Variants in TRAP1 observed in about 807,000 individuals in gnomAD.
TRAP1 encodes TNF receptor associated protein 1, also known as heat shock protein 75 kDa, mitochondrial.
A neutral mutation model predicts 89.1 loss-of-function variants in TRAP1; 102 were observed. The observed-to-expected ratio is 1.15, with a 90% CI of 0.98 to 1.35. TRAP1 has a LOEUF of 1.35. Among genes scored for constraint, TRAP1 ranks in the 40% most tolerant of loss-of-function variants. The pLI, the probability that TRAP1 is intolerant of heterozygous loss-of-function variation, is 0.00. For synonymous variants in TRAP1, 508 were observed against 388.0 expected, an observed-to-expected ratio of 1.31 and a Z score of -3.64; for missense variants, 1,256 against 945.3, an observed-to-expected ratio of 1.33 and a Z score of -4.31.
At chr16:3,708,983 T>C (rs528674899) in intron 1 of TRAP1, among the ~76,000 whole-genome samples, 1 of 151,632 alleles carries the variant, frequency 6.6e-6, no homozygotes, top group Non-Finnish European at 1.5e-5. Flanking sequence ...GCCCAGATAA[T>C]TTTTTGTATT....
rs753578074 is a variant in TRAP1, at chr16:3,674,512, C to G, written c.889-18G>C. The G allele has an allele frequency of 1.2e-6, 2 of 1,612,190 alleles. No homozygotes were observed. The highest frequency in any genetic ancestry group is 1.1e-5 in the South Asian group (1 of 90,812). Reference sequence around the variant, plus strand: ...CAGATGGCCTGGAAACGGAGATCGGCGGGGAGGGCGTCGTGTTCACCACGC... The same window carrying G: ...CAGATGGCCTGGAAACGGAGATCGGGGGGGAGGGCGTCGTGTTCACCACGC... On this transcript the variant is annotated intron_variant, in intron 8 of 17. Coordinates refer to ENST00000246957, the MANE Select transcript of TRAP1 (RefSeq NM_016292.3).
rs372627030 is a variant in TRAP1, at chr16:3,666,809, G to T, written c.1236-691C>A. Among the ~76,000 whole-genome samples the T allele has an allele frequency of 7.2e-5, 11 of 152,268 alleles. No individual in the cohort carries two copies. In the East Asian group the frequency reaches 2.1e-3, roughly 29 times the overall value. On this transcript the variant is annotated intron_variant, in intron 11 of 17. Coordinates refer to ENST00000246957, the MANE Select transcript of TRAP1 (RefSeq NM_016292.3). ...GTATACTCTAATTTTTCAAAATTGG[G>T]ATTTTAGGGATCAGGATATTTACTG...
chr16:3,690,487 GAC>G (rs1567237604), intron 2 of TRAP1, among the ~76,000 whole-genome samples: 1 of 152,210 alleles, frequency 6.6e-6, no homozygotes, highest in African/African-American at 2.4e-5. Context: ...GGAATGAAAA[GAC>G]AGCTCCAGAA....
In TRAP1 at chr16:3,658,776, T is replaced by G. The variant is rs529256747; in HGVS notation, c.2013+17A>C. On this transcript the variant is annotated intron_variant, in intron 17 of 17. Coordinates refer to ENST00000246957, the MANE Select transcript of TRAP1 (RefSeq NM_016292.3). ...GTAGCCTGGGTCCCTGCAGTCATCC[T>G]AAGCTGCTGCACTCACCTGATCCAC... The G allele has an allele frequency of 6.2e-7, 1 of 1,611,566 alleles. No homozygotes were observed. The highest frequency in any genetic ancestry group is 8.5e-7 in the Non-Finnish European group (1 of 1,178,896).
intron 1 of TRAP1, among the ~76,000 whole-genome samples, chr16:3,708,619 G>A (rs946651431): frequency 3.4e-5 from 5 of 148,448 alleles, no homozygotes; most frequent in East Asian, 2.0e-4. Context: ...CCTGGGCGAC[G>A]GAGCGAGACT....
At chr16:3,664,502 G>A (rs995337505) in intron 12 of TRAP1, 43 bp from the exon 13 acceptor site, 2 of 1,562,560 alleles carry the variant, frequency 1.3e-6, no homozygotes, top group African/African-American at 2.8e-5. Context: ...CAGGCCCATG[G>A]GCTCAATGTT....
intron 1 of TRAP1, among the ~76,000 whole-genome samples, chr16:3,702,299 G>A (rs1205141338): frequency 2.6e-5 from 4 of 151,894 alleles, no homozygotes; most frequent in African/African-American, 7.3e-5. Context: ...GAGGGAGGGG[G>A]CCTGAGGCAC....
chr16:3,699,136 C>T (rs550856184), intron 1 of TRAP1, among the ~76,000 whole-genome samples: 2 of 152,134 alleles, frequency 1.3e-5, no homozygotes, highest in East Asian at 1.9e-4. Flanking sequence ...TTCCACCCCC[C>T]ACATCCCTAC....
At chr16:3,680,793 C>CT (rs2051064384) in intron 4 of TRAP1, among the ~76,000 whole-genome samples, 1 of 152,168 alleles carries the variant, frequency 6.6e-6, no homozygotes, top group African/African-American at 2.4e-5. Flanking sequence ...AGAAAACAGG[C>CT]TTGAGGGAGC....
At position 3,658,188 on chromosome 16, in the gene TRAP1, G is replaced by C. The variant is rs758903218; in HGVS notation, c.2056C>G (p.Pro686Ala). ...TTCAAGCGGCCCACCATGGCCCTAG[G>C]GTCGTCAACAAGTCCAGCAGCAATC... ...AMIAAGLVDD[P>A]RAMVGRLNEL... Residue 686 changes from proline (P) to alanine (A), a missense_variant, in exon 18 of 18, where the codon CCT (proline) becomes GCT (alanine). Transcript: ENST00000246957. The C allele has an allele frequency of 1.4e-5, 23 of 1,614,102 alleles. No individual in the cohort carries two copies. Among genetic ancestry groups the C allele is most frequent in the Non-Finnish European group, 1.9e-5 (23 of 1,180,020 alleles).
chr16:3,693,982 G>A (rs1209867851), intron 1 of TRAP1, among the ~76,000 whole-genome samples: 1 of 132,438 alleles, frequency 7.6e-6, no homozygotes, highest in East Asian at 2.3e-4. Context: ...GGCTGGGTGA[G>A]ACAGCGAGAC....
chr16:3,676,661 G>C (rs1329910160), intron 6 of TRAP1: 2 of 152,774 alleles, frequency 1.3e-5, no homozygotes, highest in Admixed American at 6.5e-5. Context: ...TTAGTTTTGG[G>C]AGAGTGGGGA....
At chr16:3,712,813 G>T (rs559435636) in intron 1 of TRAP1, among the ~76,000 whole-genome samples, 2 of 152,044 alleles carry the variant, frequency 1.3e-5, no homozygotes, top group Admixed American at 1.3e-4. Flanking sequence ...ACGGGGTTTC[G>T]CCATGTTGGC....
In TRAP1 at chr16:3,663,510, T is replaced by G; in HGVS notation, c.1622A>C (p.Glu541Ala). The G allele has an allele frequency of 6.2e-7, 1 of 1,613,884 alleles. No homozygotes were observed. The highest frequency in any genetic ancestry group is 8.5e-7 in the Non-Finnish European group (1 of 1,179,978). The change falls in exon 14 of 18, where the codon GAG becomes GCG. Residue 541 changes from glutamate (E) to alanine (A), a missense_variant. By Grantham distance (107) the Glu-to-Ala change is moderately radical (BLOSUM62 -1). Transcript: ENST00000246957. ...AGAGATCAGCTTCTTCTTGTCAAAC[T>G]CACGAAGGTGCAGCAGGGTGAGCTC... ...FDELTLLHLR[E>A]FDKKKLISVE...
intron 15 of TRAP1, chr16:3,662,426 G>C: frequency 3.6e-6 from 2 of 556,802 alleles, no homozygotes; most frequent in South Asian, 4.2e-5. Context: ...CCCTGCATGA[G>C]GCCCCTTCCT....
chr16:3,676,398 G>A (rs971187645), intron 6 of TRAP1: 9 of 269,572 alleles, frequency 3.3e-5, no homozygotes, highest in East Asian at 1.8e-4. Context: ...GTCCTCCACC[G>A]ACCCTGGGCT....
intron 1 of TRAP1, among the ~76,000 whole-genome samples, chr16:3,697,871 C>A (rs1175800139): frequency 6.6e-6 from 1 of 151,618 alleles, no homozygotes; most frequent in African/African-American, 2.4e-5. Flanking sequence ...TCACTGCAAC[C>A]TCTGCCTCCC....
At chr16:3,672,627 G>C in intron 10 of TRAP1, 73 bp downstream of exon 10, 1 of 1,514,086 alleles carries the variant, frequency 6.6e-7, no homozygotes. Context: ...AATGGAATCA[G>C]CACGGTCCCT....
At chr16:3,664,786 T>C in intron 12 of TRAP1, 1 of 278,486 alleles carries the variant, frequency 3.6e-6, no homozygotes, top group Non-Finnish European at 6.8e-6. Context: ...CCCTCTGCCC[T>C]CAGTGACAGA....
Sources: allele counts gnomAD v4.1 joint callset (sites outside exome capture counted in the v4.1 genomes callset), GRCh38; gene constraint gnomAD v4.1.1; transcripts MANE v1.5; gene names NCBI Gene and HGNC (gene_info 2026-07-23, HGNC 2026-07-21).